The following SOX30 variants were observed in gnomAD, a reference collection of about 807,000 sequenced individuals.
SOX30 encodes transcription factor SOX-30.
Under a neutral mutation model 58.6 loss-of-function variants are expected in SOX30, and 17 were observed. That is an observed-to-expected ratio of 0.29 (90% CI 0.20 to 0.44). SOX30 has a LOEUF of 0.44. Among genes scored for constraint, SOX30 ranks in the 20% least tolerant of loss-of-function variants. SOX30 has a pLI of 1.00. For synonymous variants in SOX30, 421 were observed against 400.2 expected (o/e 1.05, Z -0.62); for missense variants, 951 against 965.8 (o/e 0.98, Z 0.20).
upstream of SOX30, among the ~76,000 whole-genome samples, chr5:157,654,271 G>A (rs1257375090): frequency 1.3e-5 from 2 of 151,716 alleles, no homozygotes; most frequent in East Asian, 3.9e-4. Context: ...TTTAAAGATA[G>A]CAACTCATTT....
upstream of SOX30, chr5:157,652,560 C>T (rs73814852): frequency 2.1e-3 from 371 of 177,188 alleles, 4 homozygotes; most frequent in African/African-American, 8.4e-3. Flanking sequence ...TCTGTCGGCC[C>T]TGAGTACCAC....
chr5:157,670,638 G>A (rs376516595), intron 1 of SOX30, among the ~76,000 whole-genome samples: 19 of 152,176 alleles, frequency 1.2e-4, no homozygotes, highest in African/African-American at 3.4e-4. Flanking sequence ...TTGAGGGAGA[G>A]GGAGGGGAGA....
chr5:157,648,918 G>T, intron 1 of SOX30, 22 bp from the exon 2 acceptor site: 1 of 1,548,230 alleles, frequency 6.5e-7, no homozygotes, highest in South Asian at 1.2e-5. Context: ...AAATTAAAAG[G>T]CTAAATTAAT....
In SOX30 at chr5:157,651,660, T is replaced by C. The variant is rs1759345242; in HGVS notation, c.419A>G (p.Gln140Arg). ...CTGATCCAGGCTGGGCCCCAGCTTC[T>C]GCTTCTTGGCCTTGACATGCAGCGC... ...PLALHVKAKK[Q>R]KLGPSLDQSV... The change falls in exon 1 of 5, where the codon CAG (glutamine) becomes CGG (arginine). Residue 140 changes from glutamine to arginine, a missense_variant. Coordinates refer to ENST00000265007, the MANE Select transcript of SOX30 (RefSeq NM_178424.2). 1 of 1,611,118 alleles carries C rather than the reference T, an allele frequency of 6.2e-7. No individual in the cohort carries two copies. The highest frequency in any genetic ancestry group is 8.5e-7 in the Non-Finnish European group (1 of 1,179,346).
At chr5:157,643,841 A>T (rs560621545) in intron 3 of SOX30, among the ~76,000 whole-genome samples, 1 of 152,292 alleles carries the variant, frequency 6.6e-6, no homozygotes, top group Non-Finnish European at 1.5e-5. Context: ...ATATGACAAG[A>T]TATTAAAATT....
chr5:157,637,233 A>C (rs1477837425), intron 4 of SOX30, among the ~76,000 whole-genome samples: 1 of 152,098 alleles, frequency 6.6e-6, no homozygotes, highest in African/African-American at 2.4e-5. Flanking sequence ...AAATGAAGTT[A>C]CACATTTGTT....
At chr5:157,659,279 T>A (rs1436294146) in intron 2 of SOX30, among the ~76,000 whole-genome samples, 1 of 152,190 alleles carries the variant, frequency 6.6e-6, no homozygotes, top group African/African-American at 2.4e-5. Flanking sequence ...TGGACCCCTT[T>A]CCTGTAACAT....
At chr5:157,631,060 T>TACA (rs1561578518) in intron 4 of SOX30, among the ~76,000 whole-genome samples, 8 of 53,152 alleles carry the variant, frequency 1.5e-4, no homozygotes, top group Non-Finnish European at 2.3e-4. Flanking sequence ...TATATATATA[T>TACA]ATATATATAC....
At chr5:157,645,854 C>A (rs1759178049) in intron 3 of SOX30, among the ~76,000 whole-genome samples, 2 of 152,160 alleles carry the variant, frequency 1.3e-5, no homozygotes. Flanking sequence ...AACCCCATCT[C>A]TACTAAAAAT....
chr5:157,628,658 T>G (rs1246071649), intron 4 of SOX30, among the ~76,000 whole-genome samples: 1 of 151,598 alleles, frequency 6.6e-6, no homozygotes, highest in African/African-American at 2.4e-5. Flanking sequence ...TTTTTTTTTT[T>G]TGAGACAGAG....
chr5:157,630,141 CTTTTT>C (rs1350274077), intron 4 of SOX30, among the ~76,000 whole-genome samples: 1 of 152,032 alleles, frequency 6.6e-6, no homozygotes, highest in African/African-American at 2.4e-5. Flanking sequence ...GTATTTGGTT[CTTTTT>C]TAATTTCTAT....
In SOX30 at chr5:157,638,580, G is replaced by T. The variant is rs1445082243; in HGVS notation, c.1530C>A (p.Pro510=). The T allele has an allele frequency of 6.2e-7, 1 of 1,614,176 alleles. No homozygotes were observed. Among genetic ancestry groups the T allele is most frequent in the East Asian group, 2.2e-5 (1 of 44,880 alleles). The change falls in exon 4 of 5, where the codon CCC becomes CCA. Residue 510 remains proline, a synonymous_variant. Transcript: ENST00000265007. ...PSLPVYPALP[P]QRFTGPSQTD... ...TTTGGGAAGGCCCAGTAAAGCGTTG[G>T]GGTGGGAGTGCTGGATAGACAGGTA...
intron 3 of SOX30, among the ~76,000 whole-genome samples, chr5:157,640,888 G>C (rs545079670): frequency 3.3e-5 from 5 of 152,192 alleles, no homozygotes; most frequent in African/African-American, 1.2e-4. Flanking sequence ...CATGCATTAT[G>C]CATATCACCC....
chr5:157,669,528 T>C (rs145096161), intron 1 of SOX30, among the ~76,000 whole-genome samples: 31 of 146,562 alleles, frequency 2.1e-4, no homozygotes, highest in African/African-American at 7.6e-4. Context: ...ATTTATTTAT[T>C]TATCTGAGAC....
chr5:157,656,735 T>A (rs113459575), upstream of SOX30, among the ~76,000 whole-genome samples: 8 of 152,368 alleles, frequency 5.3e-5, no homozygotes, highest in African/African-American at 1.9e-4. Flanking sequence ...TCATTAGAAG[T>A]CATGAGAATG....
chr5:157,660,998 C>T (rs1454926720), intron 2 of SOX30, among the ~76,000 whole-genome samples: 1 of 152,182 alleles, frequency 6.6e-6, no homozygotes, highest in African/African-American at 2.4e-5. Context: ...TTATAATTTT[C>T]AGTGTACTGT....
intron 4 of SOX30, among the ~76,000 whole-genome samples, chr5:157,631,976 G>A (rs1291583010): frequency 7.1e-6 from 1 of 141,644 alleles, no homozygotes; most frequent in Non-Finnish European, 1.5e-5. Context: ...CCAGGAGTTC[G>A]AGGCTGCAAT....
intron 2 of SOX30, among the ~76,000 whole-genome samples, chr5:157,648,050 T>G (rs1459393665): frequency 2.6e-5 from 4 of 152,212 alleles, no homozygotes; most frequent in African/African-American, 7.2e-5. Context: ...CTAGAACCTC[T>G]CTGCCAATAT....
chr5:157,636,713 T>A (rs1758935383), intron 4 of SOX30, among the ~76,000 whole-genome samples: 1 of 152,198 alleles, frequency 6.6e-6, no homozygotes, highest in African/African-American at 2.4e-5. Flanking sequence ...GGTGTAGGTA[T>A]ACCCTAATGG....
Sources: gnomAD v4.1 joint callset for allele counts (sites outside exome capture counted in the v4.1 genomes callset) on GRCh38, gnomAD v4.1.1 for gene constraint, MANE v1.5 for transcripts, NCBI Gene and HGNC (gene_info 2026-07-23, HGNC 2026-07-21) for gene names.